Variants in RARB observed in about 807,000 individuals in gnomAD.
The protein encoded by RARB is retinoic acid receptor beta.
Under a neutral mutation model 51.9 loss-of-function variants are expected in RARB, and 17 were observed. The ratio of observed to expected loss-of-function variants is 0.33; its 90% CI spans 0.22 to 0.49. The LOEUF is 0.49. Among genes scored for constraint, RARB ranks in the 20% least tolerant of loss-of-function variants. The probability of loss-of-function intolerance (pLI) is 0.99; values close to 1 mark genes in which losing one functional copy is unlikely to be tolerated. For synonymous variants in RARB, 215 were observed against 195.4 expected (o/e 1.10, Z -0.84); for missense variants, 369 against 550.8 (o/e 0.67, Z 3.30).
intron 2 of RARB, among the ~76,000 whole-genome samples, chr3:25,480,991 G>A (rs1696198484): frequency 6.6e-6 from 1 of 152,166 alleles, no homozygotes; most frequent in Non-Finnish European, 1.5e-5. Flanking sequence ...GGAATGCTGA[G>A]TGCTAGCCCA....
chr3:24,989,983 T>G lies in RARB; in HGVS notation c.-379-70142T>G, dbSNP rs563300280. Reference sequence around the variant, plus strand: ...CCCGGCTAATTTTTTGTATTTTTAGTAGAGACGGGGTTTCACCTTGTTAGC... The same window carrying G: ...CCCGGCTAATTTTTTGTATTTTTAGGAGAGACGGGGTTTCACCTTGTTAGC... On this transcript the variant is annotated intron_variant, in intron 2 of 11. Coordinates refer to the RARB transcript ENST00000383772. Among the ~76,000 whole-genome samples the G allele has an allele frequency of 3.7e-3, 355 of 95,926 alleles. 100 individuals are homozygous for G. The highest frequency in any genetic ancestry group is 0.014 in the African/African-American group (336 of 24,028). The allele number at this position is 95,926 out of a possible 152,430, so 62.9% of individuals were successfully genotyped here.
intron 7 of RARB, 60 bp from the exon 8 acceptor site, chr3:25,596,360 G>T: frequency 7.5e-7 from 1 of 1,336,860 alleles, no homozygotes; most frequent in Non-Finnish European, 1.0e-6. Context: ...TTGGTCCCTG[G>T]TTATCTGTCA....
chr3:25,312,440 G>A (rs1007135557), intron 5 of RARB, among the ~76,000 whole-genome samples: 18 of 151,978 alleles, frequency 1.2e-4, no homozygotes, highest in African/African-American at 2.9e-4. Flanking sequence ...TAAGCAGCAC[G>A]TCAGGACTGA....
Position 25,053,990 on chromosome 3 carries a change from G to A in RARB, c.-379-6135G>A, listed in dbSNP as rs1189126643. Reference sequence around the variant, plus strand: ...GATATGGCTTGTGCTCCTACTCTGGGCCTGGCGCAGGTCATTGTCCTTGCT... The same window carrying A: ...GATATGGCTTGTGCTCCTACTCTGGACCTGGCGCAGGTCATTGTCCTTGCT... On this transcript the variant is annotated intron_variant, in intron 2 of 11. Transcript: ENST00000383772. 2.0e-5 allele frequency among the ~76,000 whole-genome samples: 3 copies of A among 152,090 alleles called. 1 individual carries two copies. Among genetic ancestry groups the A allele is most frequent in the Admixed American group, 1.3e-4 (2 of 15,266 alleles).
At chr3:25,040,203 T>G (rs749308680) in intron 2 of RARB, among the ~76,000 whole-genome samples, 2 of 152,132 alleles carry the variant, frequency 1.3e-5, no homozygotes, top group East Asian at 1.9e-4. Context: ...AACAAATTAT[T>G]TAGTTTGTAT....
At chr3:25,434,791 C>T (rs894425004) in intron 1 of RARB, among the ~76,000 whole-genome samples, 3 of 151,972 alleles carry the variant, frequency 2.0e-5, no homozygotes, top group Non-Finnish European at 4.4e-5. Flanking sequence ...CTGCCCACCT[C>T]GGCCTCCCAA....
At chr3:25,014,890 A>G (rs2125281696) in intron 2 of RARB, among the ~76,000 whole-genome samples, 1 of 152,228 alleles carries the variant, frequency 6.6e-6, no homozygotes, top group East Asian at 1.9e-4. Flanking sequence ...TATTTTGGTT[A>G]TATTTCCCTA....
chr3:25,429,992 G>A (rs1207686729), intron 1 of RARB, among the ~76,000 whole-genome samples: 1 of 152,190 alleles, frequency 6.6e-6, no homozygotes, highest in African/African-American at 2.4e-5. Context: ...TAACATGGTG[G>A]CTTATCTAAA....
At chr3:25,560,326 T>C (rs1048757807) in intron 3 of RARB, among the ~76,000 whole-genome samples, 1 of 152,244 alleles carries the variant, frequency 6.6e-6, no homozygotes, top group Non-Finnish European at 1.5e-5. Context: ...ATTTCTCTAA[T>C]GATTTGGATT....
intron 5 of RARB, among the ~76,000 whole-genome samples, chr3:25,269,967 G>A (rs756247416): frequency 9.9e-5 from 15 of 152,240 alleles, no homozygotes; most frequent in East Asian, 3.9e-4. Flanking sequence ...ATACCACCGC[G>A]TACCATTTAG....
intron 5 of RARB, among the ~76,000 whole-genome samples, chr3:25,235,672 G>A (rs1702285572): frequency 6.6e-6 from 1 of 152,142 alleles, no homozygotes; most frequent in South Asian, 2.1e-4. Context: ...ATCTATTACA[G>A]CTCTTGAGTG....
intron 3 of RARB, among the ~76,000 whole-genome samples, chr3:25,094,759 A>T (rs900465202): frequency 4.0e-4 from 60 of 148,676 alleles, no homozygotes; most frequent in African/African-American, 1.4e-3. Context: ...GCAACACAGT[A>T]GTTAAATAAC....
At chr3:25,143,870 C>T (rs925665231) in intron 4 of RARB, among the ~76,000 whole-genome samples, 1 of 152,070 alleles carries the variant, frequency 6.6e-6, no homozygotes, top group Non-Finnish European at 1.5e-5. Context: ...GTGAAAAGTG[C>T]CTGGCATCAA....
At chr3:24,913,571 T>C (rs944838291) in intron 2 of RARB, among the ~76,000 whole-genome samples, 2 of 152,172 alleles carry the variant, frequency 1.3e-5, no homozygotes, top group Non-Finnish European at 2.9e-5. Context: ...CAGGAAATAT[T>C]GTTACAAAAA....
At chr3:25,368,545 C>T (rs1414404613) in intron 5 of RARB, among the ~76,000 whole-genome samples, 1 of 152,118 alleles carries the variant, frequency 6.6e-6, no homozygotes, top group African/African-American at 2.4e-5. Context: ...TATCTATGCA[C>T]CAATGAAAGA....
intron 1 of RARB, among the ~76,000 whole-genome samples, chr3:25,437,331 CA>C (rs1708478062): frequency 6.6e-6 from 1 of 152,122 alleles, no homozygotes; most frequent in South Asian, 2.1e-4. Flanking sequence ...AAAGTTGTCA[CA>C]ATACACTTAG....
At chr3:25,377,303 G>A (rs1299441737) in intron 5 of RARB, among the ~76,000 whole-genome samples, 1 of 152,184 alleles carries the variant, frequency 6.6e-6, no homozygotes, top group Non-Finnish European at 1.5e-5. Context: ...AAGGGGACTT[G>A]AGAAAACAGT....
chr3:25,527,979 C>T (rs1031750524), intron 3 of RARB, among the ~76,000 whole-genome samples: 2 of 152,152 alleles, frequency 1.3e-5, no homozygotes, highest in African/African-American at 4.8e-5. Context: ...CAAAGCCAGG[C>T]GGGAGGCCTG....
chr3:25,245,132 G>GTT (rs200254347), intron 5 of RARB, among the ~76,000 whole-genome samples: 1 of 151,584 alleles, frequency 6.6e-6, no homozygotes, highest in East Asian at 1.9e-4. Context: ...TGCAACTCCT[G>GTT]TTTTTTTTGC....
Sources: allele counts gnomAD v4.1 joint callset (sites outside exome capture counted in the v4.1 genomes callset), GRCh38; gene constraint gnomAD v4.1.1; transcripts MANE v1.5; gene names NCBI Gene and HGNC (gene_info 2026-07-23, HGNC 2026-07-21).